Variants in TBCEL observed in about 807,000 individuals in gnomAD.
TBCEL encodes the protein tubulin-specific chaperone cofactor E-like protein.
TBCEL carries 15 observed loss-of-function variants against 44.2 expected under a neutral mutation model. The ratio of observed to expected loss-of-function variants is 0.34; its 90% CI spans 0.23 to 0.52. The LOEUF is 0.52. Among genes scored for constraint, TBCEL ranks in the 20% least tolerant of loss-of-function variants. The pLI is 0.95. For missense variants in TBCEL, 319 were observed against 506.3 expected, an observed-to-expected ratio of 0.63 and a Z score of 3.55; for synonymous variants, 171 against 185.4, an observed-to-expected ratio of 0.92 and a Z score of 0.63.
chr11:121,080,793 G>A (rs1209907318), intron 8 of TBCEL, among the ~76,000 whole-genome samples: 3 of 152,152 alleles, frequency 2.0e-5, no homozygotes, highest in Non-Finnish European at 4.4e-5. Flanking sequence ...ATGCCCCCAG[G>A]TCTTGGGAAT....
chr11:121,078,335 C>T (rs913054418), intron 8 of TBCEL, among the ~76,000 whole-genome samples: 7 of 152,050 alleles, frequency 4.6e-5, no homozygotes, highest in South Asian at 4.1e-4. Context: ...TGGATTGTTA[C>T]GTCTTTCTGC....
chr11:121,086,835 A>G lies in TBCEL; in HGVS notation c.1014A>G (p.Leu338=), dbSNP rs976128367. 1 of 1,614,078 alleles carries G rather than the reference A, an allele frequency of 6.2e-7. No homozygotes were observed. The highest frequency in any genetic ancestry group is 8.5e-7 in the Non-Finnish European group (1 of 1,179,976). Residue 338 remains leucine, a synonymous_variant, in exon 9 of 9, where the codon CTA becomes CTG. Coordinates refer to ENST00000683345, the MANE Select transcript of TBCEL (RefSeq NM_001363644.2). ...TGGAGCCTTTGGCAGAAGTGGACCT[A>G]AGACCCCAGAGCAGTGCAAAAGTAG... ...GKLEPLAEVD[L]RPQSSAKVEV...
At chr11:121,071,405 T>C (rs1270672539) in intron 8 of TBCEL, among the ~76,000 whole-genome samples, 2 of 152,156 alleles carry the variant, frequency 1.3e-5, no homozygotes, top group African/African-American at 4.8e-5. Context: ...TTAGGGTGCC[T>C]TTTCAGACTT....
intron 8 of TBCEL, among the ~76,000 whole-genome samples, chr11:121,067,734 AG>A (rs1945847153): frequency 1.3e-5 from 2 of 152,228 alleles, no homozygotes; most frequent in Admixed American, 6.5e-5. Flanking sequence ...GTAGCTGGAA[AG>A]ATGTCCTTAC....
At chr11:121,036,446 C>G (rs916220575) in intron 1 of TBCEL, 59 bp from the exon 2 acceptor site, 1 of 152,052 alleles carries the variant, frequency 6.6e-6, no homozygotes, top group African/African-American at 2.4e-5. Context: ...AATGTTAAAC[C>G]TTTTTGGTTG....
At chr11:121,031,090 T>TC (rs1417817641) in intron 1 of TBCEL, among the ~76,000 whole-genome samples, 7 of 151,986 alleles carry the variant, frequency 4.6e-5, no homozygotes, top group Admixed American at 6.6e-5. Context: ...CACACTGCAT[T>TC]CCCCCCCACC....
At chr11:121,067,356 A>G (rs1312308792) in intron 8 of TBCEL, among the ~76,000 whole-genome samples, 1 of 152,224 alleles carries the variant, frequency 6.6e-6, no homozygotes, top group Non-Finnish European at 1.5e-5. Flanking sequence ...TAAAATGTTT[A>G]GGAGACTGAA....
chr11:121,058,658 A>G (rs1280167950), intron 7 of TBCEL, among the ~76,000 whole-genome samples, 187 bp downstream of exon 7: 1 of 151,902 alleles, frequency 6.6e-6, no homozygotes, highest in Non-Finnish European at 1.5e-5. Context: ...GATGAGGAAA[A>G]CATGAGATGT....
At chr11:121,080,017 A>T (rs1027328479) in intron 8 of TBCEL, among the ~76,000 whole-genome samples, 7 of 152,050 alleles carry the variant, frequency 4.6e-5, no homozygotes, top group African/African-American at 1.7e-4. Context: ...GGGTTTCACC[A>T]TGTTGGCCAG....
chr11:121,078,857 T>C (rs1339731838), intron 8 of TBCEL, among the ~76,000 whole-genome samples: 4 of 152,250 alleles, frequency 2.6e-5, no homozygotes, highest in African/African-American at 9.6e-5. Context: ...TGAGACTGGC[T>C]ATATCTTCTT....
intron 8 of TBCEL, among the ~76,000 whole-genome samples, chr11:121,074,097 CTG>C (rs1325298660): frequency 6.6e-6 from 1 of 151,856 alleles, no homozygotes; most frequent in Non-Finnish European, 1.5e-5. Context: ...TACTAAGTAA[CTG>C]TTTCATTCAG....
At chr11:121,075,977 C>T (rs1272217539) in intron 8 of TBCEL, among the ~76,000 whole-genome samples, 1 of 151,774 alleles carries the variant, frequency 6.6e-6, no homozygotes, top group African/African-American at 2.4e-5. Flanking sequence ...TGATTTTATA[C>T]CTTTGTCAGA....
chr11:121,026,429 G>A (rs935385539), intron 1 of TBCEL, among the ~76,000 whole-genome samples: 1 of 152,302 alleles, frequency 6.6e-6, no homozygotes, highest in Non-Finnish European at 1.5e-5. Context: ...AGTGTCAAAG[G>A]ATGTTGTCTA....
intron 1 of TBCEL, among the ~76,000 whole-genome samples, chr11:121,025,581 A>G (rs1345519257): frequency 3.9e-5 from 6 of 152,142 alleles, no homozygotes; most frequent in Non-Finnish European, 8.8e-5. Flanking sequence ...GCTGGCTGAC[A>G]TTTACTAAAT....
rs1316573159 is a variant in TBCEL at position 121,060,050 on chromosome 11, C to T, written c.921C>T (p.Tyr307=). 2.5e-6 allele frequency: 4 copies of T among 1,611,566 alleles called. No individual in the cohort carries two copies. In the South Asian group the frequency reaches 4.4e-5, roughly 18 times the overall value. The stretch of plus-strand genomic sequence containing the variant: ...ATTCTGAGAGATTTTTTATTCGTTA[C>T]TATGTGGATGTTCCACAGGAAGAAG... The part of the protein sequence containing the change: ...REDSERFFIR[Y]YVDVPQEEVP... The change falls in exon 8 of 9, where the codon TAC becomes TAT. Residue 307 remains tyrosine (Y), a synonymous_variant. Coordinates refer to ENST00000683345, the MANE Select transcript of TBCEL (RefSeq NM_001363644.2).
intron 8 of TBCEL, among the ~76,000 whole-genome samples, chr11:121,071,904 A>G (rs1945940976): frequency 2.0e-5 from 3 of 152,112 alleles, no homozygotes; most frequent in Admixed American, 6.5e-5. Flanking sequence ...TTGTGAAGGA[A>G]CATTTCTATA....
At chr11:121,060,148 G>T in intron 8 of TBCEL, 63 bp downstream of exon 8, 1 of 1,142,964 alleles carries the variant, frequency 8.7e-7, no homozygotes. Flanking sequence ...GAACTCTAGT[G>T]TTAGAGCAAA....
Position 121,055,266 on chromosome 11 carries a change from A to G in TBCEL, c.670A>G (p.Arg224Gly), listed in dbSNP as rs373756527. The G allele has an allele frequency of 3.5e-5, 57 of 1,611,444 alleles. 1 individual carries two copies. The highest frequency in any genetic ancestry group is 8.9e-5 in the East Asian group (4 of 44,782). The change falls in exon 6 of 9, where the codon AGG (arginine) becomes GGG (glycine). Residue 224 changes from arginine to glycine, a missense_variant. Physicochemically the swap from Arg to Gly is moderately radical, Grantham distance 125. Coordinates refer to ENST00000683345, the MANE Select transcript of TBCEL (RefSeq NM_001363644.2). ...TGAGGAGCCTGATGATTCATTGGCC[A>G]GGTTGTTTCCTAATCTTCGATCCAT... Reference protein sequence around the residue: ...AIEEPDDSLARLFPNLRSISL... With the variant: ...AIEEPDDSLAGLFPNLRSISL...
At chr11:121,066,772 A>G (rs1269853733) in intron 8 of TBCEL, among the ~76,000 whole-genome samples, 1 of 152,200 alleles carries the variant, frequency 6.6e-6, no homozygotes, top group East Asian at 1.9e-4. Flanking sequence ...TTATATCCAT[A>G]ATCTCTCCCT....
Sources: allele counts gnomAD v4.1 joint callset (sites outside exome capture counted in the v4.1 genomes callset), GRCh38; gene constraint gnomAD v4.1.1; transcripts MANE v1.5; gene names NCBI Gene and HGNC (gene_info 2026-07-23, HGNC 2026-07-21).